The following ARHGAP20 variants were observed in gnomAD, a reference collection of about 807,000 sequenced individuals.
The protein encoded by ARHGAP20 is Rho GTPase activating protein 20, also known as rho GTPase-activating protein 20.
Under a neutral mutation model 73.7 loss-of-function variants are expected in ARHGAP20, and 34 were observed. The ratio of observed to expected loss-of-function variants is 0.46; its 90% CI spans 0.35 to 0.61. The LOEUF (loss-of-function observed/expected upper bound fraction) is 0.61. ARHGAP20 is among the 20% of genes least tolerant of loss of function. The probability of loss-of-function intolerance (pLI) is 0.00; values close to 1 mark genes in which losing one functional copy is unlikely to be tolerated. For synonymous variants in ARHGAP20, 523 were observed against 518.2 expected (o/e 1.01, Z -0.13); for missense variants, 1,314 against 1,420.9 (o/e 0.92, Z 1.21).
intron 2 of ARHGAP20, among the ~76,000 whole-genome samples, chr11:110,650,254 C>T (rs1175318510): frequency 6.6e-6 from 1 of 152,104 alleles, no homozygotes; most frequent in Non-Finnish European, 1.5e-5. Flanking sequence ...TATTTCTGAA[C>T]CCCTGTTCCT....
intron 1 of ARHGAP20, among the ~76,000 whole-genome samples, chr11:110,702,935 A>G (rs1407964073): frequency 6.6e-6 from 1 of 152,208 alleles, no homozygotes. Context: ...GGAAGAATCA[A>G]TATCATGAAA....
chr11:110,690,627 T>C lies in ARHGAP20; in HGVS notation c.108A>G (p.Lys36=). The C allele has an allele frequency of 3.7e-6, 6 of 1,614,046 alleles. No individual in the cohort carries two copies. Among genetic ancestry groups the C allele is most frequent in the Non-Finnish European group, 5.1e-6 (6 of 1,179,954 alleles). The part of the protein sequence containing the change: ...RLAGGSCTKK[K]MKTLAERRRS... The stretch of plus-strand genomic sequence containing the variant: ...TCCTCCTTTCTGCTAGTGTTTTCAT[T>C]TTCTGTTGATGAAACAAACCAAAAT... The change falls in exon 2 of 15, where the codon AAA becomes AAG. Residue 36 remains lysine (K), a splice_region_variant and synonymous_variant. Transcript: ENST00000683387.
In ARHGAP20 at chr11:110,579,151, T is replaced by C. The variant is rs1042026016; in HGVS notation, c.*219A>G. ...TGACAGGACCAATCCCAACCTTTAATAAGAAAAAGCCTCCCAAACACTTAG... is the reference window on the plus strand; with the variant it reads ...TGACAGGACCAATCCCAACCTTTAACAAGAAAAAGCCTCCCAAACACTTAG... On this transcript the variant is annotated 3_prime_UTR_variant, in exon 15 of 15. Coordinates refer to ENST00000683387, the MANE Select transcript of ARHGAP20 (RefSeq NM_001384657.1). 1.2e-5 allele frequency: 14 copies of C among 1,214,794 alleles called. No homozygotes were observed. The African/African-American group carries it at 2.0e-4, about 17-fold the overall frequency. 75.3% of individuals were successfully genotyped at this position (1,214,794 alleles called of 1,614,324 possible).
chr11:110,651,567 A>G (rs1256545165), intron 2 of ARHGAP20, among the ~76,000 whole-genome samples: 1 of 152,122 alleles, frequency 6.6e-6, no homozygotes, highest in Non-Finnish European at 1.5e-5. Context: ...CCACAGAAAT[A>G]TAAACAACTA....
chr11:110,678,946 ATGAGCCAC>A (rs1481170072), intron 2 of ARHGAP20, among the ~76,000 whole-genome samples: 1 of 152,154 alleles, frequency 6.6e-6, no homozygotes, highest in Middle Eastern at 3.2e-3. Context: ...GATTACAGGC[ATGAGCCAC>A]TGTACCCGGC....
Position 110,577,347 on chromosome 11 carries a change from T to C in ARHGAP20, c.*2023A>G. ...ACTTTACAGCAATATTAACAAACTA[T>C]TCACATTAAGAATTACAGGAGTATC... On this transcript the variant is annotated 3_prime_UTR_variant, in exon 15 of 15. Coordinates refer to ENST00000683387, the MANE Select transcript of ARHGAP20 (RefSeq NM_001384657.1). 1 of 1,237,568 alleles carries C rather than the reference T, an allele frequency of 8.1e-7. No individual in the cohort carries two copies. Among genetic ancestry groups the C allele is most frequent in the Non-Finnish European group, 1.0e-6 (1 of 989,580 alleles). 76.7% of individuals were successfully genotyped at this position (1,237,568 alleles called of 1,614,324 possible).
intron 3 of ARHGAP20, among the ~76,000 whole-genome samples, chr11:110,625,762 C>T (rs993110384): frequency 5.3e-4 from 80 of 152,264 alleles, no homozygotes; most frequent in African/African-American, 1.9e-3. Context: ...GAGACTTAAA[C>T]AGAAGGCACA....
intron 12 of ARHGAP20, among the ~76,000 whole-genome samples, chr11:110,584,857 G>A (rs994700399): frequency 6.8e-6 from 1 of 147,458 alleles, no homozygotes; most frequent in East Asian, 2.0e-4. Flanking sequence ...ATATATATAT[G>A]TGAATATATA....
intron 2 of ARHGAP20, among the ~76,000 whole-genome samples, chr11:110,682,375 T>G (rs1281638583): frequency 6.6e-6 from 1 of 152,166 alleles, no homozygotes; most frequent in Admixed American, 6.6e-5. Flanking sequence ...GAGGTAGGTA[T>G]TATTATTATC....
intron 7 of ARHGAP20, 72 bp from the exon 8 acceptor site, chr11:110,609,122 T>G: frequency 6.8e-7 from 1 of 1,468,142 alleles, no homozygotes; most frequent in South Asian, 1.2e-5. Context: ...CACATTTTTT[T>G]TTTTTGGTTA....
chr11:110,648,221 G>GTAAATATA (rs1949257915), intron 2 of ARHGAP20, among the ~76,000 whole-genome samples: 9 of 76,666 alleles, frequency 1.2e-4, no homozygotes, highest in Non-Finnish European at 2.2e-4. Flanking sequence ...ATATATATAT[G>GTAAATATA]TATATATATA....
At chr11:110,638,116 CAGA>C (rs1949006770) in intron 2 of ARHGAP20, among the ~76,000 whole-genome samples, 1 of 151,848 alleles carries the variant, frequency 6.6e-6, no homozygotes, top group African/African-American at 2.4e-5. Context: ...CAAAATGCTC[CAGA>C]ATCCTAAAAT....
At chr11:110,666,498 C>T (rs2135057131) in intron 2 of ARHGAP20, among the ~76,000 whole-genome samples, 1 of 152,286 alleles carries the variant, frequency 6.6e-6, no homozygotes, top group East Asian at 1.9e-4. Context: ...GCATGAAGAA[C>T]AGCACAGAAT....
chr11:110,681,365 A>T (rs1565474737), intron 2 of ARHGAP20, among the ~76,000 whole-genome samples: 1 of 152,196 alleles, frequency 6.6e-6, no homozygotes, highest in African/African-American at 2.4e-5. Flanking sequence ...CTTCTCTTTT[A>T]AATTAATTTT....
intron 1 of ARHGAP20, among the ~76,000 whole-genome samples, chr11:110,701,455 T>G (rs1487161597): frequency 6.6e-6 from 1 of 151,598 alleles, no homozygotes; most frequent in East Asian, 1.9e-4. Flanking sequence ...TAAATTTGTT[T>G]GAGTTCATTG....
At chr11:110,624,763 T>C (rs546217024) in intron 3 of ARHGAP20, among the ~76,000 whole-genome samples, 162 of 152,218 alleles carry the variant, frequency 1.1e-3, no homozygotes, top group African/African-American at 3.8e-3. Flanking sequence ...TAAAAAAGGG[T>C]TGGCTACCTT....
Position 110,712,012 on chromosome 11 carries a change from G to A in ARHGAP20, c.105+115C>T, listed in dbSNP as rs565968825. 25 of 1,241,130 alleles carry A rather than the reference G, an allele frequency of 2.0e-5. 2 individuals carry two copies. In the South Asian group the frequency reaches 9.9e-4, roughly 49 times the overall value. 76.9% of individuals were successfully genotyped at this position (1,241,130 alleles called of 1,614,324 possible). A position where few individuals can be genotyped will look rare whatever the true frequency, so the allele number is the denominator to read the frequency against. On this transcript the variant is annotated intron_variant, in intron 1 of 14. Transcript: ENST00000683387. ...TCTCATTAGGGGCCGCGAGCCTCGA[G>A]CGTCAAATTCCCGCGGCGTCCGCCT...
At chr11:110,584,946 AATATATGAAT>A (rs1276116638) in intron 12 of ARHGAP20, among the ~76,000 whole-genome samples, 2 of 92,626 alleles carry the variant, frequency 2.2e-5, no homozygotes, top group African/African-American at 6.7e-5. Flanking sequence ...TGTGTATATG[AATATATGAAT>A]ATATGTGAAT....
chr11:110,577,479 A>G lies in ARHGAP20; in HGVS notation c.*1891T>C. 1 of 1,028,174 alleles carries G rather than the reference A, an allele frequency of 9.7e-7. No homozygotes were observed. The highest frequency in any genetic ancestry group is 1.2e-6 in the Non-Finnish European group (1 of 858,230). The allele number at this position is 1,028,174 out of a possible 1,614,324, so 63.7% of individuals were successfully genotyped here. A position where few individuals can be genotyped will look rare whatever the true frequency, so the allele number is the denominator to read the frequency against. On this transcript the variant is annotated 3_prime_UTR_variant, in exon 15 of 15. Transcript: ENST00000683387. Reference sequence around the variant, plus strand: ...TTTTTACCTGCTAACATGAAAAAAAAAAAAAAGGCAATTTCTTCCAGAAAG... The same window carrying G: ...TTTTTACCTGCTAACATGAAAAAAAGAAAAAAGGCAATTTCTTCCAGAAAG...
Sources: gnomAD v4.1 joint callset for allele counts (sites outside exome capture counted in the v4.1 genomes callset) on GRCh38, gnomAD v4.1.1 for gene constraint, MANE v1.5 for transcripts, NCBI Gene and HGNC (gene_info 2026-07-23, HGNC 2026-07-21) for gene names.